The following COL21A1 variants were observed in gnomAD, a reference collection of about 807,000 sequenced individuals.
The protein encoded by COL21A1 is collagen alpha-1(XXI) chain.
Under a neutral mutation model 137.9 loss-of-function variants are expected in COL21A1, and 149 were observed. That is an observed-to-expected ratio of 1.08 (90% CI 0.95 to 1.24). The LOEUF is 1.24. Ranked by LOEUF, COL21A1 falls within the 50% of genes most tolerant of loss-of-function variation. COL21A1 has a pLI of 0.00. For synonymous variants in COL21A1, 456 were observed against 391.5 expected (o/e 1.16, Z -1.95); for missense variants, 1,167 against 1,158.4 (o/e 1.01, Z -0.11).
At chr6:56,391,157 T>A (rs1444095964) in intron 1 of COL21A1, among the ~76,000 whole-genome samples, 1 of 151,952 alleles carries the variant, frequency 6.6e-6, no homozygotes, top group Non-Finnish European at 1.5e-5. Flanking sequence ...TAGAAATCAG[T>A]AACAGAGGAA....
chr6:56,278,656 C>T (rs1763724620), intron 1 of COL21A1, among the ~76,000 whole-genome samples: 1 of 152,146 alleles, frequency 6.6e-6, no homozygotes, highest in South Asian at 2.1e-4. Flanking sequence ...TTTCACTGAT[C>T]TCTAGAACAA....
intron 12 of COL21A1, among the ~76,000 whole-genome samples, chr6:56,127,039 CTCTT>C (rs1040738334): frequency 1.7e-4 from 26 of 152,292 alleles, no homozygotes; most frequent in African/African-American, 6.0e-4. Context: ...AGCTCCACAT[CTCTT>C]TGAGTTCAAA....
intron 23 of COL21A1, among the ~76,000 whole-genome samples, chr6:56,066,255 CA>C (rs1299640669): frequency 6.6e-6 from 1 of 151,910 alleles, no homozygotes; most frequent in African/African-American, 2.4e-5. Context: ...GTCTAAAAAA[CA>C]ACTGAATTTT....
intron 1 of COL21A1, among the ~76,000 whole-genome samples, chr6:56,340,083 C>G (rs899659766): frequency 6.6e-6 from 1 of 152,150 alleles, no homozygotes; most frequent in African/African-American, 2.4e-5. Flanking sequence ...CAGAACCGTA[C>G]ATGCCAAACA....
intron 17 of COL21A1, 84 bp downstream of exon 17, chr6:56,101,388 G>T: frequency 9.7e-7 from 1 of 1,035,014 alleles, no homozygotes; most frequent in South Asian, 1.4e-5. Flanking sequence ...TAGGGCATCT[G>T]AGAGAAGAAT....
intron 1 of COL21A1, among the ~76,000 whole-genome samples, chr6:56,241,750 T>C (rs779783093): frequency 6.6e-6 from 1 of 152,218 alleles, no homozygotes; most frequent in Non-Finnish European, 1.5e-5. Context: ...AATAGTATTA[T>C]GTCAAACGAC....
intron 1 of COL21A1, among the ~76,000 whole-genome samples, chr6:56,268,892 A>T (rs1763457310): frequency 6.6e-6 from 1 of 152,212 alleles, no homozygotes; most frequent in African/African-American, 2.4e-5. Context: ...ATGATCCAAG[A>T]GCTGAAAGAT....
chr6:56,225,241 C>G (rs1781113769), intron 1 of COL21A1, among the ~76,000 whole-genome samples: 1 of 152,050 alleles, frequency 6.6e-6, no homozygotes. Flanking sequence ...TGCCCCTGTA[C>G]TCAACAATCA....
At chr6:56,338,671 T>C (rs1411936857) in intron 1 of COL21A1, among the ~76,000 whole-genome samples, 1 of 152,190 alleles carries the variant, frequency 6.6e-6, no homozygotes, top group Non-Finnish European at 1.5e-5. Context: ...TAAGCAGTTG[T>C]ATAACAGGCC....
chr6:56,090,201 T>A (rs1768667490), intron 17 of COL21A1, among the ~76,000 whole-genome samples: 5 of 152,140 alleles, frequency 3.3e-5, no homozygotes, highest in Admixed American at 3.3e-4. Flanking sequence ...ATCGTGCCAC[T>A]GCACTCCAGC....
At chr6:56,249,345 C>A (rs1782794621), upstream of COL21A1, among the ~76,000 whole-genome samples, 2 of 152,124 alleles carry the variant, frequency 1.3e-5, no homozygotes, top group African/African-American at 4.8e-5. Context: ...TAACTTATAA[C>A]CTGACAAATT....
rs146051670 is a variant in COL21A1, at chr6:56,300,321, T to C, written c.-39+93650A>G. Among the ~76,000 whole-genome samples, 9 of 152,192 alleles carry C rather than the reference T, an allele frequency of 5.9e-5. No homozygotes were observed. In the East Asian group the frequency reaches 1.5e-3, roughly 26 times the overall value. ...TTAAAACAAGGCAGTCATGGGATGA[T>C]AGTTGCTTGTTCAAGCTGAGTAACA... is the stretch of plus-strand genomic sequence containing the variant. On this transcript the variant is annotated intron_variant, in intron 1 of 28. Coordinates refer to the COL21A1 transcript ENST00000370819.
rs1325618433 is a variant in COL21A1, at chr6:56,101,466, A to G, written c.1812+6T>C. 1 of 1,586,184 alleles carries G rather than the reference A, an allele frequency of 6.3e-7. No individual in the cohort carries two copies. The highest frequency in any genetic ancestry group is 2.3e-5 in the East Asian group (1 of 44,376). On this transcript the variant is annotated splice_donor_region_variant and intron_variant, in intron 17 of 29. Transcript: ENST00000244728. ...TCTTTTAGAACTGAAATGAGAAGGTACTCACAGGCTCTCCCCGTGTTCCAT... is the reference window on the plus strand; with the variant it reads ...TCTTTTAGAACTGAAATGAGAAGGTGCTCACAGGCTCTCCCCGTGTTCCAT...
rs191839906 is a variant in COL21A1 at position 56,209,839 on chromosome 6, C to T, written c.-38-27183G>A. 2.7e-4 allele frequency among the ~76,000 whole-genome samples: 41 copies of T among 152,210 alleles called. No individual in the cohort carries two copies. The East Asian group carries it at 5.0e-3, about 19-fold the overall frequency. ...GACTCATTCACATGTATGTTTATTG[C>T]GGCACTGTTCACAATAGCAAAGACT... is the stretch of plus-strand genomic sequence containing the variant. On this transcript the variant is annotated intron_variant, in intron 1 of 29. Coordinates refer to ENST00000244728, the MANE Select transcript of COL21A1 (RefSeq NM_030820.4).
chr6:56,063,316 T>C (rs1034892019), intron 24 of COL21A1, among the ~76,000 whole-genome samples: 2 of 152,178 alleles, frequency 1.3e-5, no homozygotes, highest in Admixed American at 6.5e-5. Flanking sequence ...CTGAGAGTTA[T>C]TGTAAGTAAC....
chr6:56,136,681 A>T (rs1005835950), intron 12 of COL21A1, among the ~76,000 whole-genome samples: 2 of 152,216 alleles, frequency 1.3e-5, no homozygotes, highest in Non-Finnish European at 2.9e-5. Flanking sequence ...AATTCATTTT[A>T]AAAAATGTCT....
intron 1 of COL21A1, among the ~76,000 whole-genome samples, chr6:56,294,306 TTA>T (rs1764116721): frequency 6.6e-6 from 1 of 152,090 alleles, no homozygotes; most frequent in Non-Finnish European, 1.5e-5. Flanking sequence ...ATTCCATAGA[TTA>T]AAAACTTTCA....
At chr6:56,060,508 C>A in intron 27 of COL21A1, 1 of 473,880 alleles carries the variant, frequency 2.1e-6, no homozygotes. Flanking sequence ...AAATATGCTA[C>A]AAAAGAAAAT....
chr6:56,177,494 T>C (rs1036757340), intron 3 of COL21A1, among the ~76,000 whole-genome samples: 8 of 152,074 alleles, frequency 5.3e-5, no homozygotes, highest in Non-Finnish European at 1.0e-4. Flanking sequence ...TCTAATACAG[T>C]ATAAAATGTC....
Sources: allele counts gnomAD v4.1 joint callset (sites outside exome capture counted in the v4.1 genomes callset), GRCh38; gene constraint gnomAD v4.1.1; transcripts MANE v1.5; gene names NCBI Gene and HGNC (gene_info 2026-07-23, HGNC 2026-07-21).